Variants in ARMC9 observed in about 807,000 individuals in gnomAD.
The protein encoded by ARMC9 is armadillo repeat containing 9.
Under a neutral mutation model 107.0 loss-of-function variants are expected in ARMC9, and 94 were observed. The observed-to-expected ratio is 0.88, with a 90% CI of 0.74 to 1.04. The LOEUF is 1.04. ARMC9 is among the 50% of genes least tolerant of loss of function. The probability of loss-of-function intolerance (pLI) is 0.00; values close to 1 mark genes in which losing one functional copy is unlikely to be tolerated. For synonymous variants in ARMC9, 380 were observed against 396.9 expected (o/e 0.96, Z 0.51); for missense variants, 942 against 1,030.1 (o/e 0.91, Z 1.17).
chr2:231,361,754 C>T (rs1030993300), intron 23 of ARMC9, among the ~76,000 whole-genome samples: 5 of 152,140 alleles, frequency 3.3e-5, no homozygotes, highest in Non-Finnish European at 5.9e-5. Flanking sequence ...CAACCTCCTG[C>T]GGTAAAATAT....
chr2:231,239,804 T>C (rs1031911402), intron 8 of ARMC9, 139 bp from the exon 9 acceptor site: 1 of 713,170 alleles, frequency 1.4e-6, no homozygotes, highest in African/African-American at 1.8e-5. Context: ...AGCAAATGAT[T>C]ATTTTTCTGG....
At position 231,367,891 on chromosome 2, in the gene ARMC9, G is replaced by A. The variant is rs534364778; in HGVS notation, c.2262-2062G>A. Among the ~76,000 whole-genome samples, 12 of 150,772 alleles carry A rather than the reference G, an allele frequency of 8.0e-5. No individual in the cohort carries two copies. In the East Asian group the frequency reaches 1.4e-3, roughly 17 times the overall value. ...GCAGCTACTCGGGAGGCTGAGTCAC[G>A]AGAACTTGAACCCAGGAGGCAGAGG... On this transcript the variant is annotated intron_variant, in intron 23 of 24. Transcript: ENST00000611582.
At chr2:231,367,091 C>T (rs1229701634) in intron 23 of ARMC9, among the ~76,000 whole-genome samples, 2 of 151,846 alleles carry the variant, frequency 1.3e-5, no homozygotes, top group Non-Finnish European at 1.5e-5. Flanking sequence ...ACCTCGTGAT[C>T]CCCCCGCCTC....
chr2:231,296,529 G>A (rs1395180638), intron 19 of ARMC9, among the ~76,000 whole-genome samples: 1 of 152,204 alleles, frequency 6.6e-6, no homozygotes, highest in Admixed American at 6.5e-5. Context: ...ATGGGAAGCT[G>A]AACAATGACC....
chr2:231,313,071 A>G lies in ARMC9; in HGVS notation c.1773+16818A>G, dbSNP rs566031273. Among the ~76,000 whole-genome samples, 68 of 152,304 alleles carry G rather than the reference A, an allele frequency of 4.5e-4. No homozygotes were observed. In the South Asian group the frequency reaches 0.014, roughly 32 times the overall value. On this transcript the variant is annotated intron_variant, in intron 19 of 24. Coordinates refer to ENST00000611582, the MANE Select transcript of ARMC9 (RefSeq NM_001352754.2). ...TCATTCTACCAGTTACTAAGAGAGG[A>G]GTATAGAAATCTCCAACTAAATTGT...
intron 5 of ARMC9, 73 bp downstream of exon 5, chr2:231,216,866 C>T (rs931940595): frequency 5.4e-6 from 8 of 1,483,192 alleles, no homozygotes; most frequent in Admixed American, 4.8e-5. Flanking sequence ...ATGCTGGGGG[C>T]TTCTGAATGA....
intron 7 of ARMC9, 57 bp downstream of exon 7, chr2:231,226,855 G>A: frequency 6.4e-7 from 1 of 1,556,620 alleles, no homozygotes; most frequent in East Asian, 2.2e-5. Flanking sequence ...CAGGTTTGAA[G>A]TAGTAAGATC....
intron 12 of ARMC9, among the ~76,000 whole-genome samples, chr2:231,270,224 C>T (rs530517684): frequency 1.9e-4 from 29 of 152,202 alleles, no homozygotes; most frequent in East Asian, 1.4e-3. Context: ...ACACTAACCC[C>T]CCTCTCCATT....
intron 19 of ARMC9, among the ~76,000 whole-genome samples, chr2:231,317,592 G>T: frequency 6.6e-6 from 1 of 151,006 alleles, no homozygotes; most frequent in African/African-American, 2.4e-5. Context: ...GTTATTTTCT[G>T]CCCCTTTCCT....
intron 12 of ARMC9, among the ~76,000 whole-genome samples, chr2:231,269,073 T>TA (rs1019098747): frequency 6.6e-6 from 1 of 152,044 alleles, no homozygotes; most frequent in African/African-American, 2.4e-5. Context: ...TCAAAAAATT[T>TA]AAAAAAAGAA....
At chr2:231,327,216 A>G (rs767355131) in intron 19 of ARMC9, among the ~76,000 whole-genome samples, 1 of 152,206 alleles carries the variant, frequency 6.6e-6, no homozygotes, top group Non-Finnish European at 1.5e-5. Flanking sequence ...GCGTTCGAGT[A>G]TACAGAGCCT....
chr2:231,313,261 C>A (rs1459444285), intron 19 of ARMC9, among the ~76,000 whole-genome samples: 2 of 152,218 alleles, frequency 1.3e-5, no homozygotes. Context: ...AATATTTGGT[C>A]TGTCCAATAT....
intron 8 of ARMC9, among the ~76,000 whole-genome samples, chr2:231,237,701 TTTAA>T (rs1377791799): frequency 6.8e-6 from 1 of 148,126 alleles, no homozygotes; most frequent in African/African-American, 2.5e-5. Flanking sequence ...TTTAGATTTC[TTTAA>T]TTATGTATGA....
chr2:231,207,030 G>A (rs2125307331), intron 2 of ARMC9, among the ~76,000 whole-genome samples: 1 of 152,302 alleles, frequency 6.6e-6, no homozygotes, highest in African/African-American at 2.4e-5. Flanking sequence ...TTAGAGACAA[G>A]GTCTTGTTCT....
intron 19 of ARMC9, among the ~76,000 whole-genome samples, chr2:231,330,974 A>G (rs1559472707): frequency 6.6e-6 from 1 of 152,092 alleles, no homozygotes; most frequent in African/African-American, 2.4e-5. Flanking sequence ...AACCTCGTCT[A>G]TACAAAAAAA....
chr2:231,301,024 G>A (rs1475481889), intron 19 of ARMC9, among the ~76,000 whole-genome samples: 4 of 152,202 alleles, frequency 2.6e-5, no homozygotes, highest in Non-Finnish European at 5.9e-5. Context: ...TAGTGATCTA[G>A]TGTGTGCATG....
intron 20 of ARMC9, among the ~76,000 whole-genome samples, chr2:231,341,061 G>A (rs1050907142): frequency 7.9e-5 from 12 of 152,036 alleles, no homozygotes; most frequent in African/African-American, 2.4e-4. Flanking sequence ...CTATGGTGAC[G>A]CATGCCTGTA....
chr2:231,301,010 AT>A (rs1445627530), intron 19 of ARMC9, among the ~76,000 whole-genome samples: 1 of 152,156 alleles, frequency 6.6e-6, no homozygotes, highest in Non-Finnish European at 1.5e-5. Context: ...CAAGAAACCC[AT>A]GTTAGTGATC....
chr2:231,213,879 C>T (rs890103944), intron 3 of ARMC9, among the ~76,000 whole-genome samples: 2 of 152,160 alleles, frequency 1.3e-5, no homozygotes, highest in East Asian at 1.9e-4. Flanking sequence ...ATCTCAGAAA[C>T]GCTGTTGCAG....
Sources: allele counts gnomAD v4.1 joint callset (sites outside exome capture counted in the v4.1 genomes callset), GRCh38; gene constraint gnomAD v4.1.1; transcripts MANE v1.5; gene names NCBI Gene and HGNC (gene_info 2026-07-23, HGNC 2026-07-21).